KCTD8: variants seen among roughly 807,000 people sequenced by gnomAD.
The protein encoded by KCTD8 is BTB/POZ domain-containing protein KCTD8.
Under a neutral mutation model 31.5 loss-of-function variants are expected in KCTD8, and 27 were observed. That is an observed-to-expected ratio of 0.86 (90% CI 0.63 to 1.18). The LOEUF is 1.18. KCTD8 is among the 50% of genes most tolerant of loss of function. KCTD8 has a pLI of 0.00. For missense variants in KCTD8, 658 were observed against 647.7 expected (o/e 1.02, Z -0.17); for synonymous variants, 290 against 280.0 (o/e 1.04, Z -0.36).
In KCTD8 at chr4:44,448,105, G is replaced by A. The variant is rs146302810; in HGVS notation, c.419C>T (p.Thr140Ile). The change falls in exon 1 of 2, where the codon ACC becomes ATC. Residue 140 changes from threonine (T) to isoleucine (I), a missense_variant. By Grantham distance (89) the Thr-to-Ile change is moderately conservative. Transcript: ENST00000360029. This position sits in a 1 kb window ranked among gnomAD's most constrained non-coding sequence, Gnocchi z 4.1. ...GGGCGACAGCAGCTTGACCAAGTCG[G>A]TGAGCTGGAAATACTCGGCCTCGCG... ...LLREAEYFQL[T>I]DLVKLLSPKV... is the part of the protein sequence containing the mutation. 1 of 1,612,680 alleles carries A rather than the reference G, an allele frequency of 6.2e-7. No homozygotes were observed. The highest frequency in any genetic ancestry group is 8.5e-7 in the Non-Finnish European group (1 of 1,179,868).
intron 1 of KCTD8, among the ~76,000 whole-genome samples, chr4:44,401,668 CTTATA>C (rs1252671365): frequency 3.9e-5 from 6 of 152,228 alleles, no homozygotes; most frequent in African/African-American, 9.6e-5. Flanking sequence ...GAAAATGCTA[CTTATA>C]TTATAGTTGT....
At chr4:44,291,262 G>A (rs2109385360) in intron 1 of KCTD8, among the ~76,000 whole-genome samples, 2 of 152,044 alleles carry the variant, frequency 1.3e-5, no homozygotes, top group East Asian at 3.9e-4. Context: ...GAACCAAGAA[G>A]AAAGTGAAAA....
intron 1 of KCTD8, among the ~76,000 whole-genome samples, chr4:44,287,139 G>T (rs1207546208): frequency 6.6e-6 from 1 of 152,080 alleles, no homozygotes; most frequent in East Asian, 1.9e-4. Context: ...TTTAGAGGCT[G>T]GGTGTGGTGG....
intron 1 of KCTD8, among the ~76,000 whole-genome samples, chr4:44,401,912 A>G (rs574332075): frequency 6.6e-6 from 1 of 152,318 alleles, no homozygotes; most frequent in East Asian, 1.9e-4. Flanking sequence ...CAAGAGCAAT[A>G]TACCCTCCCA....
chr4:44,253,557 C>T (rs563964383), intron 1 of KCTD8, among the ~76,000 whole-genome samples: 21 of 151,786 alleles, frequency 1.4e-4, no homozygotes, highest in African/African-American at 3.9e-4. Flanking sequence ...GCTTACTTTC[C>T]GTCTCTTATA....
intron 1 of KCTD8, among the ~76,000 whole-genome samples, chr4:44,239,584 A>T (rs1039214359): frequency 5.9e-5 from 9 of 152,218 alleles, no homozygotes; most frequent in Non-Finnish European, 1.2e-4. Flanking sequence ...TATATGGAAT[A>T]GTATGGATGG....
chr4:44,282,068 G>T (rs2109379246), intron 1 of KCTD8, among the ~76,000 whole-genome samples: 2 of 152,138 alleles, frequency 1.3e-5, no homozygotes, highest in South Asian at 4.2e-4. Flanking sequence ...ACAGCTCGAT[G>T]CATTCAACAA....
chr4:44,429,838 TC>T (rs1388465699), intron 1 of KCTD8, among the ~76,000 whole-genome samples: 1 of 151,620 alleles, frequency 6.6e-6, no homozygotes, highest in Non-Finnish European at 1.5e-5. Context: ...AAGGGATAGT[TC>T]CTCTACTATT....
chr4:44,352,679 C>T (rs1719233956), intron 1 of KCTD8, among the ~76,000 whole-genome samples: 1 of 150,998 alleles, frequency 6.6e-6, no homozygotes, highest in Non-Finnish European at 1.5e-5. Context: ...TATATAATAT[C>T]CATAATCTAA....
chr4:44,440,487 C>G (rs1443200769), intron 1 of KCTD8, among the ~76,000 whole-genome samples: 1 of 152,120 alleles, frequency 6.6e-6, no homozygotes, highest in Non-Finnish European at 1.5e-5. Context: ...TTGTGATCAC[C>G]TTAAATACAA....
intron 1 of KCTD8, among the ~76,000 whole-genome samples, chr4:44,261,317 AAACTC>A (rs1716158327): frequency 1.3e-5 from 2 of 151,940 alleles, no homozygotes; most frequent in African/African-American, 4.8e-5. Flanking sequence ...ACGGAGTTGA[AAACTC>A]AAGTCTTAAT....
intron 1 of KCTD8, among the ~76,000 whole-genome samples, chr4:44,268,132 C>T (rs1011661628): frequency 2.6e-5 from 4 of 152,234 alleles, no homozygotes; most frequent in African/African-American, 7.2e-5. Flanking sequence ...AACATTGATG[C>T]AAAAATCCTC....
intron 1 of KCTD8, among the ~76,000 whole-genome samples, chr4:44,221,216 T>A (rs1560398427): frequency 6.6e-6 from 1 of 152,196 alleles, no homozygotes; most frequent in Non-Finnish European, 1.5e-5. Context: ...ATAAGCACTA[T>A]GTTAAGCTTT....
intron 1 of KCTD8, among the ~76,000 whole-genome samples, chr4:44,247,603 T>C (rs981938436): frequency 2.0e-5 from 3 of 151,958 alleles, no homozygotes; most frequent in Admixed American, 6.6e-5. Context: ...AGTGTACCCA[T>C]TGAACAGCAA....
intron 1 of KCTD8, among the ~76,000 whole-genome samples, chr4:44,209,081 T>A (rs1254457957): frequency 6.6e-6 from 1 of 152,104 alleles, no homozygotes; most frequent in Non-Finnish European, 1.5e-5. Flanking sequence ...AACAAAAAAA[T>A]AAAAATGCAT....
Position 44,259,110 on chromosome 4 carries a change from C to G in KCTD8, c.962-83860G>C, listed in dbSNP as rs369099808. 4.0e-4 allele frequency among the ~76,000 whole-genome samples: 60 copies of G among 151,890 alleles called. No individual in the cohort carries two copies. The South Asian group carries it at 0.012, about 30-fold the overall frequency. On this transcript the variant is annotated intron_variant, in intron 1 of 1. Transcript: ENST00000360029. Reference sequence around the variant, plus strand: ...GGCAAAGCAGCCTTTTAAAAATTCCCAAATGACAAAAGCACTTACACTTCA... The same window carrying G: ...GGCAAAGCAGCCTTTTAAAAATTCCGAAATGACAAAAGCACTTACACTTCA...
intron 1 of KCTD8, among the ~76,000 whole-genome samples, chr4:44,199,002 T>C (rs940425068): frequency 1.3e-5 from 2 of 152,146 alleles, no homozygotes; most frequent in Non-Finnish European, 2.9e-5. Context: ...GTTGCTCATC[T>C]TATATTGAAT....
intron 1 of KCTD8, among the ~76,000 whole-genome samples, chr4:44,326,783 C>A (rs1718452480): frequency 6.6e-6 from 1 of 151,678 alleles, no homozygotes. Context: ...CCAGTCTTTC[C>A]AATATATAAA....
At chr4:44,432,411 C>T (rs192705756) in intron 1 of KCTD8, among the ~76,000 whole-genome samples, 81 of 151,506 alleles carry the variant, frequency 5.3e-4, no homozygotes, top group Non-Finnish European at 9.5e-4. Context: ...TTTCAGAATC[C>T]TCTTGTTTAT....
Sources: allele counts gnomAD v4.1 joint callset (sites outside exome capture counted in the v4.1 genomes callset), GRCh38; gene constraint gnomAD v4.1.1; non-coding constraint Gnocchi (gnomAD v3.1); transcripts MANE v1.5; gene names NCBI Gene and HGNC (gene_info 2026-07-23, HGNC 2026-07-21).